PSD4: variants seen among roughly 807,000 people sequenced by gnomAD.
PSD4 encodes the protein pleckstrin and Sec7 domain containing 4.
Under a neutral mutation model 112.5 loss-of-function variants are expected in PSD4, and 59 were observed. That is an observed-to-expected ratio of 0.52 (90% CI 0.43 to 0.65). The LOEUF is 0.65. Among genes scored for constraint, PSD4 ranks in the 30% least tolerant of loss-of-function variants. The pLI is 0.00. For synonymous variants in PSD4, 533 were observed against 540.0 expected (o/e 0.99, Z 0.18); for missense variants, 1,267 against 1,352.6 (o/e 0.94, Z 0.99).
Position 113,201,157 on chromosome 2 carries a change from G to A in PSD4, c.2914-1G>A. ...AAGGTGGTGGGGCCTGTGTGTTGCAGAAAACCCGCTACGAGACCTACGTGC... is the reference window on the plus strand; with the variant it reads ...AAGGTGGTGGGGCCTGTGTGTTGCAAAAAACCCGCTACGAGACCTACGTGC... On this transcript the variant is annotated splice_acceptor_variant, in intron 16 of 16. Coordinates refer to ENST00000245796, the MANE Select transcript of PSD4 (RefSeq NM_012455.3). LOFTEE classifies it high-confidence loss of function. 1 of 1,607,812 alleles carries A rather than the reference G, an allele frequency of 6.2e-7. No homozygotes were observed. Among genetic ancestry groups the A allele is most frequent in the Non-Finnish European group, 8.5e-7 (1 of 1,175,862 alleles).
chr2:113,203,454 G>A lies in PSD4; in HGVS notation c.*2039G>A, dbSNP rs535198502. 6.6e-6 allele frequency: 1 copy of A among 150,790 alleles called. No homozygotes were observed. The highest frequency in any genetic ancestry group is 2.0e-4 in the East Asian group (1 of 5,002). The allele number at this position is 150,790 out of a possible 1,614,324, so 9.3% of individuals were successfully genotyped here. A position where few individuals can be genotyped will look rare whatever the true frequency, so the allele number is the denominator to read the frequency against. ...AGTCCAATTGCCTCATTTGATTGAA[G>A]TGGAATCCCAGCATCAAGTGGACAT... On this transcript the variant is annotated 3_prime_UTR_variant, in exon 17 of 17. Transcript: ENST00000245796.
At chr2:113,196,339 G>C (rs532007906) in intron 12 of PSD4, 32 bp downstream of exon 12, 20 of 1,597,278 alleles carry the variant, frequency 1.3e-5, no homozygotes, top group Non-Finnish European at 1.7e-6. Flanking sequence ...ACAGGGTGGC[G>C]TGCTGGGAGC....
chr2:113,185,532 C>T, intron 4 of PSD4, 92 bp downstream of exon 4: 2 of 1,604,690 alleles, frequency 1.2e-6, no homozygotes, highest in Middle Eastern at 1.7e-4. Context: ...TCCATGGTTG[C>T]CATTAATGGG....
intron 1 of PSD4, among the ~76,000 whole-genome samples, chr2:113,175,854 G>C (rs1034932011): frequency 1.1e-4 from 16 of 152,278 alleles, no homozygotes. Flanking sequence ...AGCAGGACAC[G>C]GTATTTCCTG....
Position 113,182,555 on chromosome 2 carries a change from A to C in PSD4, c.99A>C (p.Pro33=), listed in dbSNP as rs750340724. The change falls in exon 2 of 17, where the codon CCA becomes CCC. Residue 33 remains proline, a synonymous_variant. Coordinates refer to ENST00000245796, the MANE Select transcript of PSD4 (RefSeq NM_012455.3). ...TGGAGCCCCACCCAGGAGAGTGCCCAAGGGAAACGTGCAGCCATGAGGATC... is the reference window on the plus strand; with the variant it reads ...TGGAGCCCCACCCAGGAGAGTGCCCCAGGGAAACGTGCAGCCATGAGGATC... ...DSLEPHPGEC[P]RETCSHEDPP... The C allele has an allele frequency of 1.2e-5, 20 of 1,614,238 alleles. No individual in the cohort carries two copies. Among genetic ancestry groups the C allele is most frequent in the Non-Finnish European group, 1.5e-5 (18 of 1,180,038 alleles).
At position 113,192,585 on chromosome 2, in the gene PSD4, A is replaced by T; in HGVS notation, c.1834A>T (p.Lys612Ter). Residue 612 changes from lysine to a stop codon, truncating the protein, a stop_gained, in exon 6 of 17, where the codon AAG becomes TAG. Transcript: ENST00000245796. LOFTEE classifies it high-confidence loss of function. ...RKSEVAAYLQKNNDFSRAVAE... is the reference protein window; with the variant it reads ...RKSEVAAYLQ Reference sequence around the variant, plus strand: ...GTCTGAAGTGGCTGCCTACCTGCAGAAGAAGTAAGGGGCTTTGAGCCTGGG... The same window carrying T: ...GTCTGAAGTGGCTGCCTACCTGCAGTAGAAGTAAGGGGCTTTGAGCCTGGG... The T allele has an allele frequency of 6.2e-7, 1 of 1,613,994 alleles. No individual in the cohort carries two copies. Among genetic ancestry groups the T allele is most frequent in the Non-Finnish European group, 8.5e-7 (1 of 1,179,916 alleles).
rs1276624693 is a variant in PSD4, at chr2:113,196,201, C to G, written c.2280C>G (p.Gly760=). ...AGGCCCAGCCGTCCCTGCCAGCTGG[C>G]AAGATGAGCAAGCCCTTCCTTCAGC... ...PEKAQPSLPA[G]KMSKPFLQLA... The change falls in exon 12 of 17, where the codon GGC becomes GGG. Residue 760 remains glycine, a synonymous_variant. Transcript: ENST00000245796. 3 of 1,613,836 alleles carry G rather than the reference C, an allele frequency of 1.9e-6. No homozygotes were observed.
At chr2:113,200,791 T>A (rs1317845980) in intron 16 of PSD4, among the ~76,000 whole-genome samples, 4 of 152,062 alleles carry the variant, frequency 2.6e-5, no homozygotes, top group African/African-American at 9.7e-5. Flanking sequence ...TAGACCCAAT[T>A]AGGGCTGTAC....
chr2:113,186,378 G>A, intron 5 of PSD4, 123 bp downstream of exon 5: 3 of 1,082,100 alleles, frequency 2.8e-6, no homozygotes, highest in East Asian at 2.5e-5. Flanking sequence ...ATTAAGCAAG[G>A]ATTATATGAG....
At chr2:113,176,855 G>A (rs1687995066) in intron 1 of PSD4, among the ~76,000 whole-genome samples, 1 of 152,312 alleles carries the variant, frequency 6.6e-6, no homozygotes, top group South Asian at 2.1e-4. Context: ...TCAAAGGCTA[G>A]TTCCATCCTC....
chr2:113,182,674 C>T lies in PSD4; in HGVS notation c.218C>T (p.Thr73Ile). Residue 73 changes from threonine (T) to isoleucine (I), a missense_variant, in exon 2 of 17, where the codon ACA becomes ATA. Physicochemically the swap from Thr to Ile is moderately conservative, Grantham distance 89. Coordinates refer to ENST00000245796, the MANE Select transcript of PSD4 (RefSeq NM_012455.3). ...CCCTGGGGCTCCGGTGTGGAGCTCA[C>T]ACACCTGGGGAGCTGGGTCCATCAG... Reference protein sequence around the residue: ...VPPWGSGVELTHLGSWVHQDG... With the variant: ...VPPWGSGVELIHLGSWVHQDG... 6.2e-7 allele frequency: 1 copy of T among 1,612,970 alleles called. No homozygotes were observed. Among genetic ancestry groups the T allele is most frequent in the East Asian group, 2.2e-5 (1 of 44,856 alleles).
At chr2:113,183,551 G>A (rs1688212751) in intron 2 of PSD4, 39 bp downstream of exon 2, 1 of 1,478,606 alleles carries the variant, frequency 6.8e-7, no homozygotes, top group African/African-American at 1.4e-5. Flanking sequence ...GCTGTGCTGG[G>A]AACACAGAAG....
chr2:113,178,599 C>A (rs1281723144), intron 1 of PSD4, among the ~76,000 whole-genome samples: 1 of 151,978 alleles, frequency 6.6e-6, no homozygotes, highest in East Asian at 1.9e-4. Context: ...AGTGGGGTTT[C>A]CTCTCATCTT....
rs13394857 is a variant in PSD4, at chr2:113,184,908, A to G, written c.1057-49A>G. ...AAGGCCCTGGGAGCAATTTTCCTCTAGTCACCTCTCCTCTCCTTCTCTCCT... is the reference window on the plus strand; with the variant it reads ...AAGGCCCTGGGAGCAATTTTCCTCTGGTCACCTCTCCTCTCCTTCTCTCCT... On this transcript the variant is annotated intron_variant, in intron 2 of 16. Coordinates refer to ENST00000245796, the MANE Select transcript of PSD4 (RefSeq NM_012455.3). The G allele has an allele frequency of 3.7e-3, 5,918 of 1,608,490 alleles. 200 individuals are homozygous for G. In the African/African-American group the frequency reaches 0.071, roughly 19 times the overall value.
intron 5 of PSD4, among the ~76,000 whole-genome samples, chr2:113,187,044 G>A (rs1021096428): frequency 6.6e-6 from 1 of 152,222 alleles, no homozygotes; most frequent in African/African-American, 2.4e-5. Flanking sequence ...CGAGCTCAGC[G>A]CCTTGAATGG....
chr2:113,200,133 C>CT (rs35399276), intron 16 of PSD4, among the ~76,000 whole-genome samples: 64,359 of 151,958 alleles, frequency 0.42, 14,768 homozygotes, highest in East Asian at 0.65. Context: ...CCAGTAATGA[C>CT]TTTGTTGACT....
At chr2:113,186,699 G>A (rs1472860546) in intron 5 of PSD4, among the ~76,000 whole-genome samples, 1 of 152,234 alleles carries the variant, frequency 6.6e-6, no homozygotes, top group Admixed American at 6.5e-5. Flanking sequence ...ATTCACCAAA[G>A]AACCTGGGCC....
intron 14 of PSD4, chr2:113,198,425 C>G (rs1688672766): frequency 6.9e-6 from 2 of 290,408 alleles, no homozygotes; most frequent in East Asian, 1.2e-4. Context: ...GCGGGCGCCA[C>G]CGCGCCTGGC....
In PSD4 at chr2:113,186,723, C is replaced by T. The variant is rs577873855; in HGVS notation, c.1628+468C>T. ...AGAACCTGGGCCTGGGGCACTGGCTCGGATCTCATCAAGTGGAGGTTTGAT... is the reference window on the plus strand; with the variant it reads ...AGAACCTGGGCCTGGGGCACTGGCTTGGATCTCATCAAGTGGAGGTTTGAT... On this transcript the variant is annotated intron_variant, in intron 5 of 16. Transcript: ENST00000245796. Among the ~76,000 whole-genome samples the T allele has an allele frequency of 5.9e-5, 9 of 152,252 alleles. No homozygotes were observed. The East Asian group carries it at 1.7e-3, about 29-fold the overall frequency.
Sources: gnomAD v4.1 joint callset for allele counts (sites outside exome capture counted in the v4.1 genomes callset) on GRCh38, gnomAD v4.1.1 for gene constraint, MANE v1.5 for transcripts, NCBI Gene and HGNC (gene_info 2026-07-23, HGNC 2026-07-21) for gene names.